The following PIK3CA variants were observed in gnomAD, a reference collection of about 807,000 sequenced individuals.
PIK3CA encodes phosphatidylinositol-4,5-bisphosphate 3-kinase catalytic subunit alpha, also known as phosphatidylinositol 4,5-bisphosphate 3-kinase catalytic subunit alpha isoform.
A neutral mutation model predicts 138.2 loss-of-function variants in PIK3CA; 27 were observed. The ratio of observed to expected loss-of-function variants is 0.20; its 90% CI spans 0.14 to 0.27. The LOEUF is 0.27. Ranked by LOEUF, PIK3CA falls within the 10% of genes least tolerant of loss-of-function variation. The probability of loss-of-function intolerance (pLI) is 1.00; values close to 1 mark genes in which losing one functional copy is unlikely to be tolerated. For missense variants in PIK3CA, 544 were observed against 1,277.4 expected (o/e 0.43, Z 8.75); for synonymous variants, 358 against 413.2 (o/e 0.87, Z 1.62).
Position 179,234,778 on chromosome 3 carries a change from T to C in PIK3CA, c.*414T>C, listed in dbSNP as rs1028003964. 1 of 234,318 alleles carries C rather than the reference T, an allele frequency of 4.3e-6. No homozygotes were observed. Among genetic ancestry groups the C allele is most frequent in the African/African-American group, 2.2e-5 (1 of 45,340 alleles). The allele number at this position is 234,318 out of a possible 1,614,324, so 14.5% of individuals were successfully genotyped here. A position where few individuals can be genotyped will look rare whatever the true frequency, so the allele number is the denominator to read the frequency against. On this transcript the variant is annotated 3_prime_UTR_variant, in exon 21 of 21. Transcript: ENST00000263967. This position sits in a 1 kb window ranked among gnomAD's most constrained non-coding sequence, Gnocchi z 5.1. ...AATGTGGACACAACAAAGGCTGTTA[T>C]TGCATTAGGTGTAAGTAAACTGGAG... is the stretch of plus-strand genomic sequence containing the variant.
intron 1 of PIK3CA, among the ~76,000 whole-genome samples, chr3:179,158,531 G>A (rs930427682): frequency 6.6e-5 from 10 of 152,018 alleles, no homozygotes; most frequent in South Asian, 4.2e-4. Context: ...GAGTTGTGTC[G>A]TATTGTCACA....
chr3:179,177,078 A>AAAG (rs1407413325), intron 1 of PIK3CA, among the ~76,000 whole-genome samples: 3 of 152,076 alleles, frequency 2.0e-5, no homozygotes, highest in Non-Finnish European at 2.9e-5. Flanking sequence ...CTTTTTCTGA[A>AAAG]AACTTTGTAT....
rs200376833 is a variant in PIK3CA, at chr3:179,219,309, G to C, written c.1746+32G>C. On this transcript the variant is annotated intron_variant, in intron 11 of 20. Coordinates refer to ENST00000263967, the MANE Select transcript of PIK3CA (RefSeq NM_006218.4). The surrounding 1 kb of genome is among the most constrained non-coding windows in gnomAD (Gnocchi z 4.2). Reference sequence around the variant, plus strand: ...GTATGTTTGAGATTACTAGATAACTGTTGTACAAATTGGTATGTCACTTAA... The same window carrying C: ...GTATGTTTGAGATTACTAGATAACTCTTGTACAAATTGGTATGTCACTTAA... 8 of 1,275,424 alleles carry C rather than the reference G, an allele frequency of 6.3e-6. No homozygotes were observed. Among genetic ancestry groups the C allele is most frequent in the Non-Finnish European group, 9.1e-6 (8 of 874,890 alleles). The allele number at this position is 1,275,424 out of a possible 1,614,324, so 79.0% of individuals were successfully genotyped here. A position where few individuals can be genotyped will look rare whatever the true frequency, so the allele number is the denominator to read the frequency against.
intron 1 of PIK3CA, among the ~76,000 whole-genome samples, chr3:179,193,046 G>A (rs190639282): frequency 1.3e-5 from 2 of 152,260 alleles, no homozygotes; most frequent in East Asian, 3.9e-4. Flanking sequence ...GCTACTTAAC[G>A]TTGTTCTTAA....
chr3:179,153,184 A>G (rs1723055315), intron 1 of PIK3CA, among the ~76,000 whole-genome samples: 1 of 152,194 alleles, frequency 6.6e-6, no homozygotes, highest in South Asian at 2.1e-4. Context: ...GGCACAAATA[A>G]TGTTTTCAAT....
At chr3:179,152,095 G>C (rs1280271333) in intron 1 of PIK3CA, among the ~76,000 whole-genome samples, 1 of 152,156 alleles carries the variant, frequency 6.6e-6, no homozygotes, top group Non-Finnish European at 1.5e-5. Context: ...AACATGTAGT[G>C]ATTCATAAGC....
At chr3:179,225,855 G>C in intron 16 of PIK3CA, 107 bp from the exon 17 acceptor site, 1 of 582,154 alleles carries the variant, frequency 1.7e-6, no homozygotes, top group South Asian at 2.2e-5. Flanking sequence ...TTCTTTTGAA[G>C]AGTAAATATA....
In PIK3CA at chr3:179,204,523, C is replaced by T. The variant is rs2108394323; in HGVS notation, c.1080C>T (p.Ile360=). Residue 360 remains isoleucine, a synonymous_variant, in exon 6 of 21, where the codon ATC becomes ATT. Coordinates refer to ENST00000263967, the MANE Select transcript of PIK3CA (RefSeq NM_006218.4). ...DIDKIYVRTG[I]YHGGEPLCDN... ...TTTAGATCTATGTTCGAACAGGTAT[C>T]TACCATGGAGGAGAACCCTTATGTG... 6.3e-7 allele frequency: 1 copy of T among 1,581,152 alleles called. No homozygotes were observed. Among genetic ancestry groups the T allele is most frequent in the Non-Finnish European group, 8.7e-7 (1 of 1,150,338 alleles).
At chr3:179,211,052 T>TG (rs768231573) in intron 9 of PIK3CA, among the ~76,000 whole-genome samples, 44 of 152,302 alleles carry the variant, frequency 2.9e-4, no homozygotes, top group Non-Finnish European at 4.6e-4. Flanking sequence ...TAAACTACAT[T>TG]GTCCAGAAGT....
intron 1 of PIK3CA, among the ~76,000 whole-genome samples, chr3:179,165,003 T>A (rs1423351590): frequency 6.6e-6 from 1 of 152,220 alleles, no homozygotes; most frequent in Admixed American, 6.5e-5. Flanking sequence ...GCCCCATCTT[T>A]TCTCATAATC....
intron 20 of PIK3CA, chr3:179,233,386 T>C: frequency 2.5e-6 from 1 of 398,134 alleles, no homozygotes; most frequent in South Asian, 1.3e-4. Flanking sequence ...GTCCCTTCTA[T>C]GCCTAGTTTG....
intron 1 of PIK3CA, among the ~76,000 whole-genome samples, chr3:179,154,505 G>A (rs926038930): frequency 5.3e-5 from 8 of 152,168 alleles, no homozygotes; most frequent in East Asian, 3.8e-4. Flanking sequence ...TGTCTTCCAC[G>A]AAACTGCTCC....
chr3:179,204,673 C>A (rs1294534710), intron 6 of PIK3CA, 85 bp downstream of exon 6: 2 of 654,992 alleles, frequency 3.1e-6, no homozygotes, highest in East Asian at 5.4e-5. Context: ...TTTTTTTAGA[C>A]CAGCCTGGGC....
intron 1 of PIK3CA, among the ~76,000 whole-genome samples, chr3:179,189,677 C>A (rs1724078644): frequency 6.6e-6 from 1 of 152,154 alleles, no homozygotes; most frequent in South Asian, 2.1e-4. Context: ...TGCATTAAAT[C>A]TCTGAAATAT....
intron 9 of PIK3CA, among the ~76,000 whole-genome samples, chr3:179,214,039 A>G (rs1276062751): frequency 1.3e-5 from 2 of 152,158 alleles, no homozygotes; most frequent in African/African-American, 2.4e-5. Context: ...CTTGCTCTGG[A>G]TTAGGCTTTG....
At chr3:179,229,976 C>G (rs747545246) in intron 18 of PIK3CA, 28 bp from the exon 19 acceptor site, 3 of 1,443,400 alleles carry the variant, frequency 2.1e-6, no homozygotes, top group Non-Finnish European at 2.9e-6. Flanking sequence ...TATTTCCATA[C>G]TACTCATGAG....
intron 1 of PIK3CA, among the ~76,000 whole-genome samples, chr3:179,185,835 A>G (rs1375615945): frequency 6.6e-6 from 1 of 152,170 alleles, no homozygotes; most frequent in African/African-American, 2.4e-5. Flanking sequence ...CCCTCTGTGG[A>G]CACACCACCT....
At chr3:179,161,566 C>T (rs929246540) in intron 1 of PIK3CA, among the ~76,000 whole-genome samples, 6 of 152,124 alleles carry the variant, frequency 3.9e-5, no homozygotes, top group Admixed American at 6.5e-5. Context: ...GGCGTGGTGG[C>T]GCGTGCCTGT....
intron 1 of PIK3CA, among the ~76,000 whole-genome samples, chr3:179,168,157 C>T (rs1020483933): frequency 2.0e-5 from 3 of 152,102 alleles, no homozygotes; most frequent in African/African-American, 7.2e-5. Flanking sequence ...CTTTCTTGAC[C>T]TCCACCTTTG....
Sources: gnomAD v4.1 joint callset for allele counts (sites outside exome capture counted in the v4.1 genomes callset) on GRCh38, gnomAD v4.1.1 for gene constraint, Gnocchi (gnomAD v3.1) non-coding constraint, MANE v1.5 for transcripts, NCBI Gene and HGNC (gene_info 2026-07-23, HGNC 2026-07-21) for gene names.